Variants in RIPOR2 observed in about 807,000 individuals in gnomAD.
RIPOR2 encodes the protein rho family-interacting cell polarization regulator 2.
A neutral mutation model predicts 114.5 loss-of-function variants in RIPOR2; 39 were observed. That is an observed-to-expected ratio of 0.34 (90% CI 0.26 to 0.44). The LOEUF is 0.44. RIPOR2 is among the 20% of genes least tolerant of loss of function. The probability of loss-of-function intolerance (pLI) is 1.00; values close to 1 mark genes in which losing one functional copy is unlikely to be tolerated. For missense variants in RIPOR2, 1,007 were observed against 1,255.1 expected (o/e 0.80, Z 2.99); for synonymous variants, 445 against 484.4 (o/e 0.92, Z 1.07).
chr6:25,015,895 G>GTTTTT (rs1561844639), intron 1 of RIPOR2: 1 of 16,450 alleles, frequency 6.1e-5, no homozygotes, highest in Non-Finnish European at 1.2e-4. Context: ...CAGGTTTTTT[G>GTTTTT]GTTTTTTTTT....
intron 1 of RIPOR2, among the ~76,000 whole-genome samples, chr6:24,905,567 C>T (rs1768898100): frequency 6.6e-6 from 1 of 152,220 alleles, no homozygotes; most frequent in Non-Finnish European, 1.5e-5. Context: ...AGCAGGGCAC[C>T]TAGTGTGAGT....
At chr6:24,871,168 C>T (rs1307245117) in intron 4 of RIPOR2, among the ~76,000 whole-genome samples, 3 of 152,040 alleles carry the variant, frequency 2.0e-5, no homozygotes, top group Non-Finnish European at 4.4e-5. Context: ...CCTCCCTGCC[C>T]CTTGGGATCT....
intron 1 of RIPOR2, among the ~76,000 whole-genome samples, chr6:24,941,946 C>T (rs1772153664): frequency 6.6e-6 from 1 of 152,142 alleles, no homozygotes; most frequent in Non-Finnish European, 1.5e-5. Flanking sequence ...GAACAGTCTT[C>T]CATGTCTGTG....
chr6:24,822,512 T>TTTTA (rs746079953), intron 19 of RIPOR2, among the ~76,000 whole-genome samples: 2 of 151,980 alleles, frequency 1.3e-5, no homozygotes, highest in African/African-American at 2.4e-5. Flanking sequence ...ATTTATTTAT[T>TTTTA]TTTATTTATT....
chr6:24,871,461 C>T (rs1765164457), intron 4 of RIPOR2, among the ~76,000 whole-genome samples: 1 of 152,232 alleles, frequency 6.6e-6, no homozygotes, highest in African/African-American at 2.4e-5. Context: ...AAGCGATTCT[C>T]CTGCCTCAGC....
chr6:24,942,686 T>C (rs1469569468), intron 1 of RIPOR2, among the ~76,000 whole-genome samples: 1 of 152,250 alleles, frequency 6.6e-6, no homozygotes, highest in African/African-American at 2.4e-5. Context: ...TTTTTTCATA[T>C]GTCTTTTGGC....
intron 11 of RIPOR2, among the ~76,000 whole-genome samples, chr6:24,848,796 A>G (rs1762570398): frequency 6.6e-6 from 1 of 152,188 alleles, no homozygotes; most frequent in Non-Finnish European, 1.5e-5. Context: ...TGCTGCTTCT[A>G]CACCTGGCTT....
chr6:25,009,437 T>C (rs1345665922), intron 1 of RIPOR2, among the ~76,000 whole-genome samples: 3 of 152,228 alleles, frequency 2.0e-5, no homozygotes, highest in African/African-American at 7.2e-5. Flanking sequence ...GAAGTCCATA[T>C]TCCTCCAGAA....
At chr6:24,943,326 C>T (rs1039221640) in intron 1 of RIPOR2, among the ~76,000 whole-genome samples, 2 of 152,052 alleles carry the variant, frequency 1.3e-5, no homozygotes, top group Non-Finnish European at 2.9e-5. Flanking sequence ...GAACATCACA[C>T]ACTGGGGCCT....
At position 25,020,288 on chromosome 6, in the gene RIPOR2, C is replaced by T. The variant is rs564763407; in HGVS notation, c.76+21563G>A. 2.0e-5 allele frequency among the ~76,000 whole-genome samples: 3 copies of T among 152,330 alleles called. No homozygotes were observed. The South Asian group carries it at 6.2e-4, about 32-fold the overall frequency. On this transcript the variant is annotated intron_variant, in intron 1 of 13. Coordinates refer to the RIPOR2 transcript ENST00000510784. ...AAGAAAAAAAAGAACACTTTTCCCTCAGCCAAATGATCCTTCTGATTTAGT... is the reference window on the plus strand; with the variant it reads ...AAGAAAAAAAAGAACACTTTTCCCTTAGCCAAATGATCCTTCTGATTTAGT...
chr6:25,041,897 G>T (rs1373962347), exon 1 of RIPOR2: 1 of 702,900 alleles, frequency 1.4e-6, no homozygotes, highest in Non-Finnish European at 2.6e-6. Context: ...GCCTGTTTCT[G>T]ATCCAGTGTA....
intron 1 of RIPOR2, among the ~76,000 whole-genome samples, chr6:25,035,283 G>T (rs1289429995): frequency 6.6e-6 from 1 of 152,112 alleles, no homozygotes; most frequent in Non-Finnish European, 1.5e-5. Flanking sequence ...GTTCTAAAAG[G>T]TTTCTTTCTT....
At chr6:25,029,018 G>A (rs1776763400) in intron 1 of RIPOR2, among the ~76,000 whole-genome samples, 1 of 152,190 alleles carries the variant, frequency 6.6e-6, no homozygotes, top group African/African-American at 2.4e-5. Flanking sequence ...GCCGGGTATG[G>A]TGGCTCACGC....
intron 13 of RIPOR2, chr6:24,839,660 A>T (rs1254940178): frequency 3.9e-6 from 6 of 1,535,908 alleles, no homozygotes; most frequent in Non-Finnish European, 5.3e-6. Flanking sequence ...AAACAAAACC[A>T]TGTCAACCAC....
chr6:24,896,081 ATTGGAAC>A (rs1200372349), intron 1 of RIPOR2, among the ~76,000 whole-genome samples: 1 of 152,252 alleles, frequency 6.6e-6, no homozygotes, highest in Non-Finnish European at 1.5e-5. Context: ...CCGTGTCAGG[ATTGGAAC>A]TTGTTGTCAT....
intron 14 of RIPOR2, chr6:24,836,186 C>T (rs1415543537): frequency 3.3e-6 from 1 of 302,068 alleles, no homozygotes; most frequent in African/African-American, 2.1e-5. Context: ...TTGCACTTTC[C>T]TGCTCTGTTG....
chr6:24,843,750 G>A lies in RIPOR2; in HGVS notation c.1165-196C>T, dbSNP rs541037843. Among the ~76,000 whole-genome samples the A allele has an allele frequency of 2.0e-3, 279 of 142,700 alleles. 4 individuals are homozygous for A. Among genetic ancestry groups the A allele is most frequent in the African/African-American group, 6.6e-3 (255 of 38,798 alleles). The allele number at this position is 142,700 out of a possible 152,430, so 93.6% of individuals were successfully genotyped here. ...GTGTGTGTGTGTGTGTGTGTATCTG[G>A]CAAAAGAAAACAGACCATCAAGGAC... On this transcript the variant is annotated intron_variant, in intron 12 of 21. Transcript: ENST00000643898.
chr6:24,885,768 G>A (rs1403123932), intron 1 of RIPOR2, among the ~76,000 whole-genome samples: 1 of 152,186 alleles, frequency 6.6e-6, no homozygotes, highest in Non-Finnish European at 1.5e-5. Context: ...TATGTAGTAG[G>A]TGTTTAATAA....
chr6:24,902,150 G>T (rs928357875), intron 1 of RIPOR2, among the ~76,000 whole-genome samples: 4 of 152,078 alleles, frequency 2.6e-5, no homozygotes, highest in Non-Finnish European at 2.9e-5. Context: ...AGTTGTGGCA[G>T]AATGTACTGC....
Sources: allele counts gnomAD v4.1 joint callset (sites outside exome capture counted in the v4.1 genomes callset), GRCh38; gene constraint gnomAD v4.1.1; transcripts MANE v1.5; gene names NCBI Gene and HGNC (gene_info 2026-07-23, HGNC 2026-07-21).